The following FHL2 variants were observed in gnomAD, a reference collection of about 807,000 sequenced individuals.
FHL2 encodes four and a half LIM domains 2.
A neutral mutation model predicts 32.7 loss-of-function variants in FHL2; 20 were observed. That is an observed-to-expected ratio of 0.61 (90% CI 0.43 to 0.89). FHL2 has a LOEUF of 0.89. Ranked by LOEUF, FHL2 falls within the 40% of genes least tolerant of loss-of-function variation. The probability of loss-of-function intolerance (pLI) is 0.00; values close to 1 mark genes in which losing one functional copy is unlikely to be tolerated. For synonymous variants in FHL2, 123 were observed against 128.1 expected (o/e 0.96, Z 0.27); for missense variants, 311 against 358.6 (o/e 0.87, Z 1.07).
At chr2:105,399,980 T>A (rs1023226200), upstream of FHL2, among the ~76,000 whole-genome samples, 1 of 152,072 alleles carries the variant, frequency 6.6e-6, no homozygotes, top group African/African-American at 2.4e-5. Context: ...AACTCCGTGA[T>A]TGCTTTCTTT....
At chr2:105,399,747 T>C (rs960372117), upstream of FHL2, 12 of 908,056 alleles carry the variant, frequency 1.3e-5, no homozygotes, top group African/African-American at 1.7e-4. Context: ...GATGGCACTG[T>C]TCAGCATTGT....
chr2:105,388,711 G>A (rs1194035974), intron 2 of FHL2, among the ~76,000 whole-genome samples: 1 of 151,928 alleles, frequency 6.6e-6, no homozygotes, highest in African/African-American at 2.4e-5. Flanking sequence ...GCACATGCCT[G>A]TAATCCCAGC....
At chr2:105,404,896 T>C (rs1025731972) in intron 1 of FHL2, among the ~76,000 whole-genome samples, 1 of 152,226 alleles carries the variant, frequency 6.6e-6, no homozygotes, top group Non-Finnish European at 1.5e-5. Context: ...TGCCTGACTT[T>C]TAGCCAAATC....
At chr2:105,396,906 GC>G in intron 1 of FHL2, 1 of 558,878 alleles carries the variant, frequency 1.8e-6, no homozygotes, top group Non-Finnish European at 3.1e-6. Context: ...GAGCCGCTTA[GC>G]GACTCAGGCC....
intron 1 of FHL2, among the ~76,000 whole-genome samples, chr2:105,423,356 G>C (rs1684162065): frequency 6.6e-6 from 1 of 152,172 alleles, no homozygotes; most frequent in Admixed American, 6.5e-5. Context: ...ATAATTATCT[G>C]CATTTTGCAG....
chr2:105,433,808 C>T (rs1311130501), intron 1 of FHL2, among the ~76,000 whole-genome samples: 1 of 152,176 alleles, frequency 6.6e-6, no homozygotes, highest in Non-Finnish European at 1.5e-5. Flanking sequence ...CCAAATCAGT[C>T]CTATTCCAGA....
intron 1 of FHL2, among the ~76,000 whole-genome samples, chr2:105,423,269 G>A (rs1167089171): frequency 1.3e-5 from 2 of 152,174 alleles, no homozygotes; most frequent in Non-Finnish European, 2.9e-5. Context: ...ATTACAGTTC[G>A]ATTTTGAATT....
intron 1 of FHL2, among the ~76,000 whole-genome samples, chr2:105,407,260 C>T (rs1038023114): frequency 6.6e-6 from 1 of 151,848 alleles, no homozygotes; most frequent in Non-Finnish European, 1.5e-5. Flanking sequence ...GACGTGGTGG[C>T]GGGCGCCTGT....
At chr2:105,437,001 T>C (rs567672525) in intron 1 of FHL2, among the ~76,000 whole-genome samples, 1 of 152,196 alleles carries the variant, frequency 6.6e-6, no homozygotes, top group Non-Finnish European at 1.5e-5. Context: ...GGGAATGCAG[T>C]GAGAGGCATG....
At chr2:105,386,077 C>T (rs1034429213) in intron 3 of FHL2, 1 of 445,630 alleles carries the variant, frequency 2.2e-6, no homozygotes, top group African/African-American at 2.0e-5. Flanking sequence ...TATTGGTAGG[C>T]AGCTGGGTAG....
chr2:105,379,711 C>T (rs371238841), intron 3 of FHL2, among the ~76,000 whole-genome samples: 14 of 152,182 alleles, frequency 9.2e-5, no homozygotes, highest in African/African-American at 3.4e-4. Flanking sequence ...CTGCTCTGGT[C>T]CCCTCTTCCT....
Position 105,361,182 on chromosome 2 carries a change from AAT to A in FHL2, c.*99_*100del, listed in dbSNP as rs1398684313. ...CTGAAAAGCACTAGAAGAAAGTCTC[AAT>A]GTGGCTGGAAGAAACCAGAAGGCAA... On this transcript the variant is annotated 3_prime_UTR_variant, in exon 7 of 7. Transcript: ENST00000530340. The A allele has an allele frequency of 1.6e-6, 2 of 1,216,252 alleles. No homozygotes were observed. Among genetic ancestry groups the A allele is most frequent in the African/African-American group, 3.0e-5 (2 of 66,552 alleles). 75.3% of individuals were successfully genotyped at this position (1,216,252 alleles called of 1,614,324 possible).
chr2:105,432,013 T>C (rs762364097), intron 1 of FHL2, among the ~76,000 whole-genome samples: 3 of 152,244 alleles, frequency 2.0e-5, no homozygotes, highest in Non-Finnish European at 4.4e-5. Flanking sequence ...CTTTCATTAT[T>C]CAAACAATGT....
chr2:105,421,786 T>A (rs189400376), intron 1 of FHL2, among the ~76,000 whole-genome samples: 2 of 152,328 alleles, frequency 1.3e-5, no homozygotes, highest in East Asian at 3.9e-4. Context: ...ATGGAGGCAC[T>A]TCTGTGATGC....
chr2:105,369,010 G>T (rs945481149), intron 4 of FHL2, among the ~76,000 whole-genome samples: 1 of 152,200 alleles, frequency 6.6e-6, no homozygotes, highest in South Asian at 2.1e-4. Context: ...GCCGAGTAGT[G>T]TGCAGCTGTG....
intron 1 of FHL2, among the ~76,000 whole-genome samples, chr2:105,428,985 G>A (rs1684342959): frequency 6.6e-6 from 1 of 152,196 alleles, no homozygotes; most frequent in Non-Finnish European, 1.5e-5. Context: ...GAGATGGATT[G>A]TTTTAAACCT....
intron 1 of FHL2, among the ~76,000 whole-genome samples, chr2:105,432,000 C>T (rs1684451012): frequency 6.6e-6 from 1 of 152,180 alleles, no homozygotes; most frequent in Non-Finnish European, 1.5e-5. Context: ...TCCTTCTACC[C>T]AACTTTCATT....
At chr2:105,390,417 G>A (rs1259103401) in intron 2 of FHL2, among the ~76,000 whole-genome samples, 2 of 152,282 alleles carry the variant, frequency 1.3e-5, no homozygotes. Context: ...TGCTCAGTGG[G>A]TCCACCTGGG....
At chr2:105,396,511 C>G in intron 2 of FHL2, 136 bp downstream of exon 2, 2 of 727,350 alleles carry the variant, frequency 2.7e-6, no homozygotes, top group Non-Finnish European at 4.6e-6. Flanking sequence ...AACACCCTCC[C>G]AGACACACCC....
Sources: allele counts gnomAD v4.1 joint callset (sites outside exome capture counted in the v4.1 genomes callset), GRCh38; gene constraint gnomAD v4.1.1; transcripts MANE v1.5; gene names NCBI Gene and HGNC (gene_info 2026-07-23, HGNC 2026-07-21).